Variants in LMBRD1 observed in about 807,000 individuals in gnomAD.
LMBRD1 encodes the protein lysosomal cobalamin transport escort protein LMBD1.
In LMBRD1, 64 loss-of-function variants were observed where a neutral mutation model predicts 74.8. That is an observed-to-expected ratio of 0.86 (90% CI 0.70 to 1.05). LMBRD1 has a LOEUF of 1.05. Ranked by LOEUF, LMBRD1 falls within the 50% of genes least tolerant of loss-of-function variation. The pLI, the probability that LMBRD1 is intolerant of heterozygous loss-of-function variation, is 0.00. For missense variants in LMBRD1, 652 were observed against 645.9 expected, an observed-to-expected ratio of 1.01 and a Z score of -0.10; for synonymous variants, 204 against 216.3, an observed-to-expected ratio of 0.94 and a Z score of 0.50.
intron 7 of LMBRD1, among the ~76,000 whole-genome samples, chr6:69,726,045 C>T (rs1037569076): frequency 2.6e-5 from 4 of 151,988 alleles, no homozygotes; most frequent in Non-Finnish European, 4.4e-5. Context: ...CAGAAAAAAG[C>T]CTAATAACCA....
intron 8 of LMBRD1, among the ~76,000 whole-genome samples, chr6:69,714,585 G>C (rs1766451533): frequency 6.6e-6 from 1 of 152,022 alleles, no homozygotes; most frequent in Admixed American, 6.6e-5. Flanking sequence ...TATTTGTATA[G>C]GATTACATTT....
chr6:69,720,267 G>A (rs537893647), intron 7 of LMBRD1, among the ~76,000 whole-genome samples: 10 of 151,938 alleles, frequency 6.6e-5, no homozygotes, highest in Non-Finnish European at 2.9e-5. Context: ...TCTACAGTAC[G>A]TTGTATTTAG....
At chr6:69,700,690 A>G in intron 12 of LMBRD1, 75 bp downstream of exon 12, 1 of 1,040,216 alleles carries the variant, frequency 9.6e-7, no homozygotes. Context: ...TATATTCTAA[A>G]TCTAAGATAA....
intron 3 of LMBRD1, among the ~76,000 whole-genome samples, chr6:69,759,295 T>C (rs1388378024): frequency 6.6e-6 from 1 of 152,148 alleles, no homozygotes; most frequent in African/African-American, 2.4e-5. Context: ...TTCTCTAAAA[T>C]GTAGACAGAC....
chr6:69,778,898 T>C (rs1479032026), intron 3 of LMBRD1, among the ~76,000 whole-genome samples: 1 of 152,070 alleles, frequency 6.6e-6, no homozygotes, highest in East Asian at 1.9e-4. Context: ...TGAATTAAAA[T>C]TCAATGGGGC....
intron 14 of LMBRD1, among the ~76,000 whole-genome samples, chr6:69,695,903 G>A (rs900715571): frequency 6.6e-6 from 1 of 150,658 alleles, no homozygotes; most frequent in Non-Finnish European, 1.5e-5. Context: ...GAGTGCAGTG[G>A]CACGATCTCA....
chr6:69,782,493 G>A (rs1765857380), intron 2 of LMBRD1, among the ~76,000 whole-genome samples: 2 of 152,284 alleles, frequency 1.3e-5, no homozygotes, highest in South Asian at 4.1e-4. Context: ...CAGCACTCTA[G>A]AAGGCTGAGG....
intron 3 of LMBRD1, among the ~76,000 whole-genome samples, chr6:69,771,694 G>A (rs556445953): frequency 8.1e-6 from 1 of 123,330 alleles, no homozygotes; most frequent in Admixed American, 7.3e-5. Flanking sequence ...TAATGACTTC[G>A]TCATTTCCTC....
At chr6:69,731,768 A>G (rs1282002838) in intron 7 of LMBRD1, among the ~76,000 whole-genome samples, 2 of 152,132 alleles carry the variant, frequency 1.3e-5, no homozygotes, top group South Asian at 2.1e-4. Context: ...AATATTTTCA[A>G]CTTACGATGG....
At chr6:69,725,504 C>T (rs1170354873) in intron 7 of LMBRD1, among the ~76,000 whole-genome samples, 1 of 151,994 alleles carries the variant, frequency 6.6e-6, no homozygotes, top group Non-Finnish European at 1.5e-5. Flanking sequence ...GCTATAGTAA[C>T]TAAAACAGCA....
chr6:69,708,710 A>C (rs536967805), intron 9 of LMBRD1, among the ~76,000 whole-genome samples: 2 of 152,322 alleles, frequency 1.3e-5, no homozygotes, highest in East Asian at 3.9e-4. Context: ...ATTTGCAAAA[A>C]TTTAAATTTA....
chr6:69,689,511 T>G (rs59779926), intron 14 of LMBRD1, among the ~76,000 whole-genome samples: 1 of 152,050 alleles, frequency 6.6e-6, no homozygotes, highest in Non-Finnish European at 1.5e-5. Context: ...ACTGACAAAA[T>G]AGTTTTGGAT....
At chr6:69,702,539 A>T (rs1298054588) in intron 9 of LMBRD1, among the ~76,000 whole-genome samples, 1 of 152,072 alleles carries the variant, frequency 6.6e-6, no homozygotes, top group Non-Finnish European at 1.5e-5. Flanking sequence ...AAGCACTGTA[A>T]GTAGTGGAAC....
intron 7 of LMBRD1, among the ~76,000 whole-genome samples, chr6:69,731,370 C>T (rs1766854386): frequency 6.6e-6 from 1 of 151,968 alleles, no homozygotes; most frequent in Admixed American, 6.6e-5. Flanking sequence ...TCCAATTACC[C>T]TGATTTGATC....
rs1582062593 is a variant in LMBRD1, at chr6:69,700,813, A to C, written c.1140T>G (p.Thr380=). 1.3e-6 allele frequency: 2 copies of C among 1,515,910 alleles called. No homozygotes were observed. Among genetic ancestry groups the C allele is most frequent in the Non-Finnish European group, 1.8e-6 (2 of 1,111,312 alleles). 93.9% of individuals were successfully genotyped at this position (1,515,910 alleles called of 1,614,324 possible). Residue 380 remains threonine (T), a synonymous_variant, in exon 12 of 16, where the codon ACT becomes ACG. Transcript: ENST00000649934. ...ITIIIMYFIF[T]SMAGIRNIGI... is the part of the protein sequence containing the mutation. ...CAATATTTCGAATTCCTGCCATTGAAGTAAAAATAAAGTACATAATAATAA... is the reference window on the plus strand; with the variant it reads ...CAATATTTCGAATTCCTGCCATTGACGTAAAAATAAAGTACATAATAATAA...
At chr6:69,782,399 C>A (rs2149894067) in intron 2 of LMBRD1, among the ~76,000 whole-genome samples, 1 of 152,300 alleles carries the variant, frequency 6.6e-6, no homozygotes. Flanking sequence ...AGCTCATATT[C>A]TTTGGCACCC....
chr6:69,683,011 T>C (rs2149835450), intron 14 of LMBRD1, among the ~76,000 whole-genome samples: 1 of 152,132 alleles, frequency 6.6e-6, no homozygotes, highest in South Asian at 2.1e-4. Context: ...TAGGTTGGCT[T>C]TGGTGTAGAT....
chr6:69,679,374 C>T (rs532720548), intron 14 of LMBRD1, among the ~76,000 whole-genome samples: 12 of 152,210 alleles, frequency 7.9e-5, no homozygotes, highest in Admixed American at 4.6e-4. Flanking sequence ...TCATTTACTT[C>T]GTGCTCCCAC....
At chr6:69,699,969 A>C (rs1766090694) in intron 12 of LMBRD1, among the ~76,000 whole-genome samples, 1 of 151,828 alleles carries the variant, frequency 6.6e-6, no homozygotes, top group South Asian at 2.1e-4. Context: ...ATTTCTGTAA[A>C]AGTCTTGTTT....
Sources: gnomAD v4.1 joint callset for allele counts (sites outside exome capture counted in the v4.1 genomes callset) on GRCh38, gnomAD v4.1.1 for gene constraint, MANE v1.5 for transcripts, NCBI Gene and HGNC (gene_info 2026-07-23, HGNC 2026-07-21) for gene names.